The following KLHL13 variants were observed in gnomAD, a reference collection of about 807,000 sequenced individuals.
KLHL13 encodes the protein kelch-like protein 13.
Under a neutral mutation model 37.1 loss-of-function variants are expected in KLHL13, and 10 were observed. The observed-to-expected ratio is 0.27, with a 90% CI of 0.17 to 0.46. The LOEUF is 0.46. Ranked by LOEUF, KLHL13 falls within the 20% of genes least tolerant of loss-of-function variation. KLHL13 has a pLI of 1.00. For missense variants in KLHL13, 360 were observed against 509.3 expected, an observed-to-expected ratio of 0.71 and a Z score of 2.82; for synonymous variants, 163 against 181.2, an observed-to-expected ratio of 0.90 and a Z score of 0.81.
intron 1 of KLHL13, among the ~76,000 whole-genome samples, chrX:118,069,060 G>A (rs1409024138): frequency 1.9e-5 from 2 of 107,836 alleles, no homozygotes; most frequent in African/African-American, 6.9e-5. Flanking sequence ...AGCAAACAGC[G>A]CTTTGGTGGA....
chrX:117,903,416 T>C (rs1042954810), intron 5 of KLHL13, among the ~76,000 whole-genome samples: 2 of 111,769 alleles, frequency 1.8e-5, no homozygotes, highest in Non-Finnish European at 3.8e-5. Flanking sequence ...GCTTTGTTCA[T>C]TGCTTTAGGC....
chrX:118,060,397 C>T (rs1035762745), intron 1 of KLHL13, among the ~76,000 whole-genome samples: 1 of 111,228 alleles, frequency 9.0e-6, no homozygotes, highest in African/African-American at 3.3e-5. Flanking sequence ...CCCTCATCCA[C>T]GAATCAGGCA....
intron 1 of KLHL13, among the ~76,000 whole-genome samples, chrX:118,021,751 C>T (rs1327134179): frequency 4.5e-5 from 5 of 110,665 alleles, no homozygotes; most frequent in African/African-American, 1.7e-4. Flanking sequence ...GGGTATATAC[C>T]CAGTAATAGG....
chrX:117,983,435 G>GA (rs368634632), intron 1 of KLHL13: 54,558 of 615,336 alleles, frequency 0.089, 1 homozygote, highest in Non-Finnish European at 0.099. Context: ...AATTCGCACT[G>GA]AAAAAAAAAA....
chrX:118,100,132 G>C (rs1191405434), intron 1 of KLHL13, among the ~76,000 whole-genome samples: 1 of 111,546 alleles, frequency 9.0e-6, no homozygotes, highest in Non-Finnish European at 1.9e-5. Flanking sequence ...TCTGCTTATT[G>C]TTCTTCTTAT....
chrX:118,027,126 C>T (rs1046516154), intron 1 of KLHL13, among the ~76,000 whole-genome samples: 2 of 111,620 alleles, frequency 1.8e-5, no homozygotes, highest in African/African-American at 6.5e-5. Flanking sequence ...GGCCAAAGGA[C>T]TATATCATCT....
chrX:118,099,217 A>T (rs1403737799), intron 1 of KLHL13, among the ~76,000 whole-genome samples: 1 of 111,688 alleles, frequency 9.0e-6, no homozygotes, highest in Non-Finnish European at 1.9e-5. Context: ...TTATGGAAAT[A>T]GGTATTTATG....
chrX:117,929,214 G>C (rs1932256232), intron 2 of KLHL13, among the ~76,000 whole-genome samples: 1 of 111,901 alleles, frequency 8.9e-6, no homozygotes, highest in African/African-American at 3.2e-5. Context: ...AAAACTCTAA[G>C]ATGAAATGGT....
rs2055388323 is a variant in KLHL13 at position 118,109,886 on chromosome X, A to G, written c.-56+6622T>C. On this transcript the variant is annotated intron_variant, in intron 1 of 6. Transcript: ENST00000371882. Reference sequence around the variant, plus strand: ...CAACCCCACAAAACCGAAGGAAAAAAAAACAGGCCAGGTACAGTGGCTCAT... The same window carrying G: ...CAACCCCACAAAACCGAAGGAAAAAGAAACAGGCCAGGTACAGTGGCTCAT... Among the ~76,000 whole-genome samples the G allele has an allele frequency of 1.8e-5, 2 of 111,936 alleles. 1 individual carries two copies. The highest frequency in any genetic ancestry group is 6.5e-5 in the African/African-American group (2 of 30,754).
chrX:117,985,445 T>G (rs747685277), intron 1 of KLHL13: 1 of 788,554 alleles, frequency 1.3e-6, no homozygotes, highest in South Asian at 7.1e-5. Flanking sequence ...GCTTTATATA[T>G]TTAAAAAAAA....
At chrX:117,972,861 A>AGC in exon 1 of KLHL13, 1 of 1,205,654 alleles carries the variant, frequency 8.3e-7, no homozygotes, top group Non-Finnish European at 1.1e-6. Flanking sequence ...AACAGTAAAG[A>AGC]GCGTTTCCAT....
At chrX:118,040,755 G>T (rs2054498686) in intron 1 of KLHL13, among the ~76,000 whole-genome samples, 2 of 111,272 alleles carry the variant, frequency 1.8e-5, no homozygotes, top group South Asian at 7.6e-4. Flanking sequence ...CCACCTCAAG[G>T]CATTTAATTA....
At chrX:118,066,585 G>A (rs996773409) in intron 1 of KLHL13, among the ~76,000 whole-genome samples, 29 of 111,383 alleles carry the variant, frequency 2.6e-4, no homozygotes, top group African/African-American at 8.8e-4. Context: ...TTTAGGTTAG[G>A]CAAAGATCTT....
At chrX:118,046,415 GT>G (rs1420050109) in intron 1 of KLHL13, among the ~76,000 whole-genome samples, 1 of 112,217 alleles carries the variant, frequency 8.9e-6, no homozygotes, top group African/African-American at 3.2e-5. Context: ...GTAGGGAGAA[GT>G]GGGGATGGTT....
intron 1 of KLHL13, among the ~76,000 whole-genome samples, chrX:117,953,118 C>T (rs5956820): frequency 0.032 from 3,495 of 109,414 alleles, 147 homozygotes; most frequent in African/African-American, 0.11. Flanking sequence ...ATGTTTATTG[C>T]GGCACTATTC....
At chrX:118,019,905 A>G (rs1373544599) in intron 1 of KLHL13, among the ~76,000 whole-genome samples, 6 of 103,712 alleles carry the variant, frequency 5.8e-5, no homozygotes, top group African/African-American at 2.2e-4. Context: ...GCCTTGTAGT[A>G]TAGTTTGAAG....
chrX:117,930,278 A>C (rs867695133), intron 2 of KLHL13, among the ~76,000 whole-genome samples: 3,951 of 88,164 alleles, frequency 0.045, 123 homozygotes, highest in African/African-American at 0.097. Flanking sequence ...GGAAGGAAGG[A>C]AGGAAGGAAG....
intron 1 of KLHL13, among the ~76,000 whole-genome samples, chrX:118,000,354 A>G (rs2053906107): frequency 8.9e-6 from 1 of 112,259 alleles, no homozygotes; most frequent in Admixed American, 9.5e-5. Context: ...CTTAATTTCA[A>G]TCTACTTTGA....
At position 118,017,086 on chromosome X, in the gene KLHL13, T is replaced by C. The variant is rs774160569; in HGVS notation, c.-55-71511A>G. ...CAAATAATCCACACAGCCACCAAAG[T>C]GATCTTTCTAGCAGTATAAGGCAGA... is the stretch of plus-strand genomic sequence containing the variant. On this transcript the variant is annotated intron_variant, in intron 1 of 6. Coordinates refer to the KLHL13 transcript ENST00000371882. Among the ~76,000 whole-genome samples, 7 of 111,382 alleles carry C rather than the reference T, an allele frequency of 6.3e-5. No individual in the cohort carries two copies. The South Asian group carries it at 2.6e-3, about 42-fold the overall frequency.
Sources: allele counts gnomAD v4.1 joint callset (sites outside exome capture counted in the v4.1 genomes callset), GRCh38; gene constraint gnomAD v4.1.1; transcripts MANE v1.5; gene names NCBI Gene and HGNC (gene_info 2026-07-23, HGNC 2026-07-21).